The following DDB1 variants were observed in gnomAD, a reference collection of about 807,000 sequenced individuals.
DDB1 encodes damage specific DNA binding protein 1.
A neutral mutation model predicts 133.1 loss-of-function variants in DDB1; 18 were observed. The ratio of observed to expected loss-of-function variants is 0.14; its 90% CI spans 0.09 to 0.20. DDB1 has a LOEUF of 0.20. Among genes scored for constraint, DDB1 ranks in the 10% least tolerant of loss-of-function variants. The pLI, the probability that DDB1 is intolerant of heterozygous loss-of-function variation, is 1.00. For missense variants in DDB1, 828 were observed against 1,459.2 expected (o/e 0.57, Z 7.05); for synonymous variants, 580 against 550.5 (o/e 1.05, Z -0.75).
At chr11:61,303,700 CAAAAAAAAAAA>C (rs59840297) in intron 22 of DDB1, among the ~76,000 whole-genome samples, 154 bp downstream of exon 22, 7 of 44,250 alleles carry the variant, frequency 1.6e-4, no homozygotes, top group Admixed American at 4.5e-4. Flanking sequence ...GACTGCGTCT[CAAAAAAAAAAA>C]AAAAAAAAAA....
chr11:61,326,077 T>C (rs971645399), intron 5 of DDB1: 1 of 310,106 alleles, frequency 3.2e-6, no homozygotes, highest in Non-Finnish European at 6.2e-6. Flanking sequence ...TTAGCTTAAC[T>C]TCCCCCCATT....
Position 61,311,297 on chromosome 11 carries a change from AT to A in DDB1, c.2277+486del, listed in dbSNP as rs560957992. 772 of 151,300 alleles carry A rather than the reference AT, an allele frequency of 5.1e-3. 4 individuals carry two copies. Among genetic ancestry groups the A allele is most frequent in the Admixed American group, 0.011 (166 of 15,184 alleles). The allele number at this position is 151,300 out of a possible 1,614,324, so 9.4% of individuals were successfully genotyped here. A position where few individuals can be genotyped will look rare whatever the true frequency, so the allele number is the denominator to read the frequency against. On this transcript the variant is annotated intron_variant, in intron 18 of 26. Coordinates refer to ENST00000301764, the MANE Select transcript of DDB1 (RefSeq NM_001923.5). ...ATAACATAACATAACATAACATAAC[AT>A]AACATAACATAACATAACATAACAC...
chr11:61,330,232 A>T (rs1856344306), intron 2 of DDB1, 158 bp from the exon 3 acceptor site: 2 of 584,478 alleles, frequency 3.4e-6, no homozygotes, highest in Non-Finnish European at 6.1e-6. Context: ...AGGTACACAT[A>T]CACCCTAAGG....
intron 6 of DDB1, among the ~76,000 whole-genome samples, chr11:61,325,122 T>C (rs1257878213): frequency 1.3e-5 from 2 of 151,720 alleles, no homozygotes; most frequent in Non-Finnish European, 2.9e-5. Context: ...CACTCCAGCC[T>C]GGGCAACAAG....
At chr11:61,323,571 C>T (rs1856221279) in intron 7 of DDB1, 2 of 250,738 alleles carry the variant, frequency 8.0e-6, no homozygotes, top group East Asian at 1.9e-4. Flanking sequence ...CACCACCATA[C>T]CCACCTAATT....
chr11:61,323,243 G>T (rs905076457), intron 7 of DDB1, 149 bp from the exon 8 acceptor site: 25 of 671,854 alleles, frequency 3.7e-5, no homozygotes, highest in Non-Finnish European at 5.9e-5. Context: ...GTCACACTAA[G>T]CAAATGTTTC....
intron 18 of DDB1, 30 bp downstream of exon 18, chr11:61,311,754 A>C: frequency 1.3e-6 from 2 of 1,591,502 alleles, no homozygotes; most frequent in Non-Finnish European, 1.7e-6. Context: ...CCCTGCTCTA[A>C]GGTCATCTTT....
At chr11:61,314,238 A>C (rs1178372862) in intron 13 of DDB1, 28 bp from the exon 14 acceptor site, 2 of 1,591,008 alleles carry the variant, frequency 1.3e-6, no homozygotes, top group African/African-American at 2.7e-5. Context: ...TGGCAGAGGA[A>C]GGAATCCAAG....
chr11:61,328,175 G>T (rs1565038642), intron 4 of DDB1, among the ~76,000 whole-genome samples: 1 of 152,162 alleles, frequency 6.6e-6, no homozygotes, highest in African/African-American at 2.4e-5. Context: ...GAAATTCTAA[G>T]TTTTTATTTT....
intron 13 of DDB1, 21 bp from the exon 14 acceptor site, chr11:61,314,231 C>A (rs762781207): frequency 1.3e-6 from 2 of 1,591,028 alleles, no homozygotes; most frequent in Admixed American, 1.8e-5. Context: ...AAGAATATGG[C>A]AGAGGAAGGA....
rs1408468665 is a variant in DDB1 at position 61,300,841 on chromosome 11, G to A, written c.3307C>T (p.Pro1103Ser). ...TTTGCCACCACCTCCTGCATCTTGG[G>A]GCGGCTAATATCCAGGAAACTCTCA... ...LIESFLDISR[P>S]KMQEVVANLQ... is the part of the protein sequence containing the mutation. Residue 1103 changes from proline to serine, a missense_variant, in exon 26 of 27, where the codon CCC (proline) becomes TCC (serine). Physicochemically the swap from Pro to Ser is moderately conservative, Grantham distance 74 (BLOSUM62 -1). Transcript: ENST00000301764. The A allele has an allele frequency of 3.1e-6, 5 of 1,614,164 alleles. No individual in the cohort carries two copies. Among genetic ancestry groups the A allele is most frequent in the African/African-American group, 1.3e-5 (1 of 75,028 alleles).
intron 10 of DDB1, among the ~76,000 whole-genome samples, chr11:61,317,919 G>A (rs1346842321): frequency 6.6e-6 from 1 of 152,048 alleles, no homozygotes; most frequent in Admixed American, 6.6e-5. Flanking sequence ...GTAAAGAGAT[G>A]GGGTGTGGGA....
chr11:61,318,583 T>C (rs2134921576), intron 10 of DDB1, among the ~76,000 whole-genome samples: 1 of 152,310 alleles, frequency 6.6e-6, no homozygotes, highest in South Asian at 2.1e-4. Flanking sequence ...TTTCTATAAA[T>C]ATGTTATAAA....
intron 18 of DDB1, 130 bp from the exon 19 acceptor site, chr11:61,310,548 C>G (rs1337769212): frequency 9.2e-7 from 1 of 1,091,338 alleles, no homozygotes; most frequent in African/African-American, 1.6e-5. Context: ...GCTGGCAGCT[C>G]AAGGAGCCTG....
chr11:61,330,441 T>A (rs1310296806), intron 2 of DDB1, among the ~76,000 whole-genome samples: 1 of 152,004 alleles, frequency 6.6e-6, no homozygotes, highest in Non-Finnish European at 1.5e-5. Flanking sequence ...GGAAAAAAAA[T>A]GTGGGAATAA....
rs187145059 is a variant in DDB1 at position 61,310,728 on chromosome 11, G to C, written c.2278-310C>G. 8 of 211,072 alleles carry C rather than the reference G, an allele frequency of 3.8e-5. No homozygotes were observed. The Admixed American group carries it at 3.8e-4, about 10-fold the overall frequency. The allele number at this position is 211,072 out of a possible 1,614,324, so 13.1% of individuals were successfully genotyped here. On this transcript the variant is annotated intron_variant, in intron 18 of 26. Transcript: ENST00000301764. ...TCCACTACCCTCAATGGGAAGAGGA[G>C]GGGGGCACTTCAAATAAAAACAGAA...
intron 6 of DDB1, 74 bp downstream of exon 6, chr11:61,325,537 T>C (rs1450408887): frequency 5.5e-6 from 7 of 1,262,508 alleles, no homozygotes; most frequent in South Asian, 1.3e-5. Context: ...TTTTGATAAA[T>C]AAGAGAAAGG....
chr11:61,307,676 G>C (rs532214678), intron 21 of DDB1, among the ~76,000 whole-genome samples: 3 of 152,156 alleles, frequency 2.0e-5, no homozygotes, highest in Admixed American at 2.0e-4. Context: ...CTCTTCCCTG[G>C]ATTCCATACC....
intron 14 of DDB1, 33 bp from the exon 15 acceptor site, chr11:61,314,002 C>T: frequency 1.2e-6 from 2 of 1,614,108 alleles, no homozygotes; most frequent in East Asian, 4.5e-5. Context: ...GTTCTTGTTC[C>T]ACATTTTGAC....
Sources: gnomAD v4.1 joint callset for allele counts (sites outside exome capture counted in the v4.1 genomes callset) on GRCh38, gnomAD v4.1.1 for gene constraint, MANE v1.5 for transcripts, NCBI Gene and HGNC (gene_info 2026-07-23, HGNC 2026-07-21) for gene names.